The following ASIP variants were observed in gnomAD, a reference collection of about 807,000 sequenced individuals.
ASIP encodes agouti-signaling protein.
A neutral mutation model predicts 10.3 loss-of-function variants in ASIP; 11 were observed. The observed-to-expected ratio is 1.07, with a 90% CI of 0.68 to 1.78. The LOEUF is 1.78. Among genes scored for constraint, ASIP ranks in the 40% most tolerant of loss-of-function variants. The probability of loss-of-function intolerance (pLI) is 0.00; values close to 1 mark genes in which losing one functional copy is unlikely to be tolerated. For missense variants in ASIP, 180 were observed against 169.2 expected (o/e 1.06, Z -0.35); for synonymous variants, 70 against 70.8 (o/e 0.99, Z 0.06).
At chr20:34,211,098 T>C (rs1207717714) in intron 1 of ASIP, among the ~76,000 whole-genome samples, 1 of 152,216 alleles carries the variant, frequency 6.6e-6, no homozygotes, top group Non-Finnish European at 1.5e-5. Context: ...GGCTTGATTA[T>C]AGCTCACTGC....
chr20:34,214,101 C>T, intron 1 of ASIP: 1 of 1,158,226 alleles, frequency 8.6e-7, no homozygotes, highest in South Asian at 1.2e-5. Flanking sequence ...ATCATCGCTG[C>T]TCAGGAAGGA....
chr20:34,222,566 A>AT (rs2035055019), intron 1 of ASIP, among the ~76,000 whole-genome samples: 1 of 152,236 alleles, frequency 6.6e-6, no homozygotes, highest in Admixed American at 6.5e-5. Flanking sequence ...TGCTTTGCAG[A>AT]TCTGAAGTGG....
At chr20:34,235,835 A>G (rs2035180622) in intron 1 of ASIP, among the ~76,000 whole-genome samples, 1 of 67,678 alleles carries the variant, frequency 1.5e-5, no homozygotes, top group Admixed American at 1.6e-4. Flanking sequence ...GAAAGAAAGA[A>G]AGAAAGAAGG....
At chr20:34,232,160 AAAGC>A (rs1431451663) in intron 1 of ASIP, among the ~76,000 whole-genome samples, 1 of 152,224 alleles carries the variant, frequency 6.6e-6, no homozygotes, top group Non-Finnish European at 1.5e-5. Context: ...CATTTTATAG[AAAGC>A]AGTAAGTGAG....
chr20:34,244,787 G>A (rs1467976799), intron 1 of ASIP, among the ~76,000 whole-genome samples: 2 of 152,064 alleles, frequency 1.3e-5, no homozygotes, highest in African/African-American at 4.8e-5. Flanking sequence ...AGAATAGCTC[G>A]AACAACTCCT....
At chr20:34,192,365 C>T (rs914373330), upstream of ASIP, among the ~76,000 whole-genome samples, 2 of 152,284 alleles carry the variant, frequency 1.3e-5, no homozygotes, top group East Asian at 3.9e-4. Context: ...CGCTCTCTTG[C>T]CGAAGCTGGA....
At chr20:34,191,730 CTTTTTTTT>C (rs58407816), upstream of ASIP, among the ~76,000 whole-genome samples, 3 of 125,168 alleles carry the variant, frequency 2.4e-5, no homozygotes, top group Admixed American at 8.0e-5. Context: ...CTCTCTCTCT[CTTTTTTTT>C]TTTTTTTTTT....
intron 1 of ASIP, among the ~76,000 whole-genome samples, chr20:34,198,063 T>A: frequency 6.6e-6 from 1 of 151,284 alleles, no homozygotes; most frequent in African/African-American, 2.4e-5. Flanking sequence ...TTAATTTTTT[T>A]TTTTTTTTTT....
chr20:34,264,357 G>A (rs2035749199), intron 3 of ASIP, among the ~76,000 whole-genome samples: 1 of 152,184 alleles, frequency 6.6e-6, no homozygotes, highest in Non-Finnish European at 1.5e-5. Flanking sequence ...ACAACGCTCT[G>A]TGAGCTAATC....
At chr20:34,202,644 T>C (rs1471543920) in intron 1 of ASIP, among the ~76,000 whole-genome samples, 1 of 152,106 alleles carries the variant, frequency 6.6e-6, no homozygotes, top group East Asian at 1.9e-4. Flanking sequence ...TATGTGTGTG[T>C]TGTTCTGGAA....
intron 1 of ASIP, among the ~76,000 whole-genome samples, chr20:34,206,879 AC>A (rs2122544502): frequency 6.6e-6 from 1 of 152,224 alleles, no homozygotes; most frequent in Non-Finnish European, 1.5e-5. Context: ...CCCATATACC[AC>A]GTTTTTTAAA....
the ASIP span, among the ~76,000 whole-genome samples, chr20:34,187,478 C>T: frequency 6.6e-6 from 1 of 152,236 alleles, no homozygotes; most frequent in African/African-American, 2.4e-5. Flanking sequence ...TCTCTGTCCA[C>T]AAGCCTAATC....
chr20:34,207,767 C>CATTT (rs147074537), intron 1 of ASIP, among the ~76,000 whole-genome samples: 5,810 of 149,382 alleles, frequency 0.039, 112 homozygotes, highest in South Asian at 0.058. Flanking sequence ...TTTCCAGCAC[C>CATTT]ATTTATTTAT....
intron 1 of ASIP, among the ~76,000 whole-genome samples, chr20:34,204,882 T>A (rs2034924475): frequency 6.6e-6 from 1 of 152,278 alleles, no homozygotes; most frequent in African/African-American, 2.4e-5. Flanking sequence ...GTACATGTGA[T>A]ACTTTGATAC....
Position 34,260,536 on chromosome 20 carries a change from T to C in ASIP, c.160+2T>C. ...ATGTCCCTTCTGTCTCTATTGTGGGTAAGTCACCTAGCCTCTGGGCTCTGG... is the reference window on the plus strand; with the variant it reads ...ATGTCCCTTCTGTCTCTATTGTGGGCAAGTCACCTAGCCTCTGGGCTCTGG... On this transcript the variant is annotated splice_donor_variant, in intron 2 of 3. Transcript: ENST00000374954. LOFTEE classifies it high-confidence loss of function. The C allele has an allele frequency of 1.2e-6, 2 of 1,608,328 alleles. No homozygotes were observed. Among genetic ancestry groups the C allele is most frequent in the East Asian group, 4.5e-5 (2 of 44,806 alleles).
At chr20:34,233,632 G>A (rs2035141137) in intron 1 of ASIP, among the ~76,000 whole-genome samples, 1 of 152,054 alleles carries the variant, frequency 6.6e-6, no homozygotes, top group Non-Finnish European at 1.5e-5. Flanking sequence ...ATCTCTCAAT[G>A]GTACCACCAG....
chr20:34,208,012 C>T (rs896507815), intron 1 of ASIP, among the ~76,000 whole-genome samples: 3 of 152,026 alleles, frequency 2.0e-5, no homozygotes, highest in African/African-American at 7.2e-5. Context: ...CTCCTGACCT[C>T]GTGATCCACC....
chr20:34,225,851 C>G (rs2035088998), intron 1 of ASIP, among the ~76,000 whole-genome samples: 2 of 150,804 alleles, frequency 1.3e-5, no homozygotes, highest in Non-Finnish European at 2.9e-5. Context: ...ACAAAAACCA[C>G]TGATTTTAAA....
chr20:34,238,203 A>T (rs2035236218), upstream of ASIP, among the ~76,000 whole-genome samples: 1 of 152,136 alleles, frequency 6.6e-6, no homozygotes, highest in Non-Finnish European at 1.5e-5. Context: ...AAACTTTGGA[A>T]GTCTTAATCA....
Sources: gnomAD v4.1 joint callset for allele counts (sites outside exome capture counted in the v4.1 genomes callset) on GRCh38, gnomAD v4.1.1 for gene constraint, MANE v1.5 for transcripts, NCBI Gene and HGNC (gene_info 2026-07-23, HGNC 2026-07-21) for gene names.